XKR4: variants seen among roughly 807,000 people sequenced by gnomAD.
XKR4 encodes XK-related protein 4.
Under a neutral mutation model 53.9 loss-of-function variants are expected in XKR4, and 12 were observed. The ratio of observed to expected loss-of-function variants is 0.22; its 90% CI spans 0.14 to 0.36. The LOEUF is 0.36. XKR4 is among the 10% of genes least tolerant of loss of function. The probability of loss-of-function intolerance (pLI) is 1.00; values close to 1 mark genes in which losing one functional copy is unlikely to be tolerated. For synonymous variants in XKR4, 354 were observed against 362.4 expected (o/e 0.98, Z 0.26); for missense variants, 799 against 859.5 (o/e 0.93, Z 0.88).
intron 1 of XKR4, among the ~76,000 whole-genome samples, chr8:55,143,570 AATC>A: frequency 1.3e-5 from 2 of 152,326 alleles, no homozygotes; most frequent in African/African-American, 4.8e-5. Flanking sequence ...GAAGAAAAGG[AATC>A]ATTATTCAGA....
intron 1 of XKR4, among the ~76,000 whole-genome samples, chr8:55,207,050 A>T (rs889845987): frequency 6.6e-6 from 1 of 152,218 alleles, no homozygotes; most frequent in Non-Finnish European, 1.5e-5. Flanking sequence ...GGCTTGGAAG[A>T]GAAATTTCAC....
intron 2 of XKR4, among the ~76,000 whole-genome samples, chr8:55,382,984 G>A (rs1172436367): frequency 6.6e-6 from 1 of 152,092 alleles, no homozygotes; most frequent in Non-Finnish European, 1.5e-5. Flanking sequence ...AGGCTGAGGC[G>A]GGTGGATCAT....
intron 1 of XKR4, among the ~76,000 whole-genome samples, chr8:55,164,936 G>A (rs1817045466): frequency 6.6e-6 from 1 of 152,072 alleles, no homozygotes; most frequent in African/African-American, 2.4e-5. Flanking sequence ...ATGTCCTATA[G>A]ACCCTGTGTT....
chr8:55,108,637 T>C (rs1816187821), intron 1 of XKR4, among the ~76,000 whole-genome samples: 1 of 152,194 alleles, frequency 6.6e-6, no homozygotes, highest in South Asian at 2.1e-4. Context: ...GGCAAAACTT[T>C]CTTTGGTGTT....
chr8:55,474,915 C>G (rs1805956112), intron 2 of XKR4, among the ~76,000 whole-genome samples: 1 of 152,064 alleles, frequency 6.6e-6, no homozygotes, highest in African/African-American at 2.4e-5. Flanking sequence ...TAATGAACAC[C>G]TGCTGGCCTT....
At chr8:55,216,254 A>G (rs1251897452) in intron 1 of XKR4, among the ~76,000 whole-genome samples, 1 of 152,250 alleles carries the variant, frequency 6.6e-6, no homozygotes, top group Non-Finnish European at 1.5e-5. Context: ...TAAAATGTAT[A>G]TGGAAGGGAA....
intron 2 of XKR4, among the ~76,000 whole-genome samples, chr8:55,518,383 C>G (rs1273639039): frequency 6.6e-6 from 1 of 152,108 alleles, no homozygotes; most frequent in Non-Finnish European, 1.5e-5. Flanking sequence ...TCCTTCCGTC[C>G]TTCCTTCTTT....
At chr8:55,476,702 G>A (rs904802555) in intron 2 of XKR4, among the ~76,000 whole-genome samples, 28 of 152,058 alleles carry the variant, frequency 1.8e-4, no homozygotes, top group Non-Finnish European at 3.5e-4. Context: ...CTAATACTGC[G>A]CTTTTCCAAC....
At chr8:55,479,855 G>T (rs1208911878) in intron 2 of XKR4, among the ~76,000 whole-genome samples, 1 of 151,868 alleles carries the variant, frequency 6.6e-6, no homozygotes, top group Non-Finnish European at 1.5e-5. Flanking sequence ...CCAAGAAGAA[G>T]TTGACTCTCT....
intron 1 of XKR4, among the ~76,000 whole-genome samples, chr8:55,117,909 G>A (rs569466655): frequency 9.2e-5 from 14 of 152,250 alleles, no homozygotes; most frequent in African/African-American, 3.4e-4. Context: ...CCAGCTGTTG[G>A]ACTCAAATTT....
At chr8:55,177,820 C>T (rs919641551) in intron 1 of XKR4, among the ~76,000 whole-genome samples, 1 of 152,114 alleles carries the variant, frequency 6.6e-6, no homozygotes, top group Non-Finnish European at 1.5e-5. Context: ...TTCTTCATCT[C>T]CTGAAAGCTA....
At position 55,469,446 on chromosome 8, in the gene XKR4, C is replaced by T. The variant is rs1335685374; in HGVS notation, c.1007-53835C>T. The stretch of plus-strand genomic sequence containing the variant: ...ACACACTATATTTTGCCATTTCCTG[C>T]CTTTTAGGGTTGATTTTGAATTTCT... On this transcript the variant is annotated intron_variant, in intron 2 of 2. Transcript: ENST00000327381. 3.3e-5 allele frequency among the ~76,000 whole-genome samples: 5 copies of T among 152,062 alleles called. 1 individual carries two copies. Among genetic ancestry groups the T allele is most frequent in the Middle Eastern group, 3.4e-3 (1 of 294 alleles).
chr8:55,454,357 C>T (rs1158101111), intron 2 of XKR4: 1 of 1,510,372 alleles, frequency 6.6e-7, no homozygotes, highest in Non-Finnish European at 9.2e-7. Context: ...GCTGGGCCGG[C>T]AGGATGGGCA....
intron 1 of XKR4, among the ~76,000 whole-genome samples, chr8:55,197,910 T>A (rs1817526827): frequency 6.6e-6 from 1 of 152,120 alleles, no homozygotes; most frequent in Non-Finnish European, 1.5e-5. Flanking sequence ...CAGTAAAAAA[T>A]TTTCACTGAA....
intron 2 of XKR4, among the ~76,000 whole-genome samples, chr8:55,388,573 C>T (rs995131106): frequency 4.6e-5 from 7 of 152,178 alleles, no homozygotes; most frequent in Non-Finnish European, 1.0e-4. Flanking sequence ...TGGCAGAGAG[C>T]AGAAAGAGGG....
intron 2 of XKR4, among the ~76,000 whole-genome samples, chr8:55,446,762 T>C (rs569038471): frequency 2.6e-5 from 4 of 152,190 alleles, no homozygotes; most frequent in Admixed American, 6.5e-5. Flanking sequence ...ACCTACACAA[T>C]GACAAGCAAA....
At chr8:55,180,512 G>T (rs990344940) in intron 1 of XKR4, among the ~76,000 whole-genome samples, 1 of 152,128 alleles carries the variant, frequency 6.6e-6, no homozygotes, top group Non-Finnish European at 1.5e-5. Context: ...GCGTCACCAG[G>T]TATATTCATA....
intron 2 of XKR4, among the ~76,000 whole-genome samples, chr8:55,467,447 C>A (rs1322966299): frequency 1.3e-5 from 2 of 152,092 alleles, no homozygotes; most frequent in African/African-American, 4.8e-5. Flanking sequence ...ACAGTCTCTC[C>A]CTCACTCAAG....
intron 1 of XKR4, among the ~76,000 whole-genome samples, chr8:55,186,576 A>G (rs1314021380): frequency 1.3e-5 from 2 of 152,140 alleles, no homozygotes; most frequent in African/African-American, 4.8e-5. Flanking sequence ...GAATGGCATG[A>G]ACCCAGGAGG....
Sources: allele counts gnomAD v4.1 joint callset (sites outside exome capture counted in the v4.1 genomes callset), GRCh38; gene constraint gnomAD v4.1.1; transcripts MANE v1.5; gene names NCBI Gene and HGNC (gene_info 2026-07-23, HGNC 2026-07-21).